SUGCT: variants seen among roughly 807,000 people sequenced by gnomAD.
The protein encoded by SUGCT is succinyl-CoA:glutarate-CoA transferase.
SUGCT carries 41 observed loss-of-function variants against 55.0 expected under a neutral mutation model. That is an observed-to-expected ratio of 0.74 (90% CI 0.58 to 0.97). The LOEUF is 0.97. Among genes scored for constraint, SUGCT ranks in the 50% least tolerant of loss-of-function variants. SUGCT has a pLI of 0.00. For synonymous variants in SUGCT, 187 were observed against 200.4 expected (o/e 0.93, Z 0.56); for missense variants, 568 against 547.8 (o/e 1.04, Z -0.37).
intron 5 of SUGCT, among the ~76,000 whole-genome samples, chr7:40,191,059 C>G (rs1044020112): frequency 7.9e-5 from 12 of 152,332 alleles, no homozygotes; most frequent in East Asian, 1.9e-4. Flanking sequence ...CCGTGTCACC[C>G]AGGCTGGAGT....
At chr7:40,189,398 C>CTTTTTTTTTTTTTTTTTTT (rs771275549) in intron 4 of SUGCT, 146 bp from the exon 5 acceptor site, 3 of 143,908 alleles carry the variant, frequency 2.1e-5, no homozygotes, top group African/African-American at 6.2e-5. Context: ...AATACACATA[C>CTTTTTTTTTTTTTTTTTTT]TTTTTTTTTT....
chr7:40,756,174 A>C (rs1788243940), intron 13 of SUGCT, among the ~76,000 whole-genome samples: 1 of 152,194 alleles, frequency 6.6e-6, no homozygotes, highest in Admixed American at 6.5e-5. Context: ...GGTTTGAGAC[A>C]GTATACCTTC....
chr7:40,604,710 GCTTT>G (rs1458777219), intron 12 of SUGCT, among the ~76,000 whole-genome samples: 1 of 152,110 alleles, frequency 6.6e-6, no homozygotes, highest in Non-Finnish European at 1.5e-5. Context: ...AGTTTAGGGT[GCTTT>G]CTGTCACTGT....
intron 9 of SUGCT, among the ~76,000 whole-genome samples, chr7:40,424,279 A>G (rs746525054): frequency 6.6e-6 from 1 of 152,200 alleles, no homozygotes; most frequent in Non-Finnish European, 1.5e-5. Flanking sequence ...AGATGGTGAC[A>G]AAAGTATTGG....
intron 12 of SUGCT, among the ~76,000 whole-genome samples, chr7:40,605,480 A>C (rs1001443430): frequency 6.6e-6 from 1 of 152,214 alleles, no homozygotes; most frequent in African/African-American, 2.4e-5. Context: ...TTCTAAAATC[A>C]AAGCCTTAAA....
At chr7:40,981,633 G>A in the SUGCT span, among the ~76,000 whole-genome samples, 1 of 152,116 alleles carries the variant, frequency 6.6e-6, no homozygotes, top group Non-Finnish European at 1.5e-5. Context: ...AAACAGTCAT[G>A]AGGAACCAAG....
chr7:40,839,067 T>C (rs927102384), intron 13 of SUGCT, among the ~76,000 whole-genome samples: 1 of 152,172 alleles, frequency 6.6e-6, no homozygotes, highest in African/African-American at 2.4e-5. Flanking sequence ...ATTGATTGAT[T>C]TTCAAATATT....
chr7:40,174,070 T>C (rs977511725), intron 1 of SUGCT, among the ~76,000 whole-genome samples: 1 of 151,976 alleles, frequency 6.6e-6, no homozygotes, highest in African/African-American at 2.4e-5. Flanking sequence ...TCCCCCAGGC[T>C]GGAGTGCAGT....
intron 13 of SUGCT, among the ~76,000 whole-genome samples, chr7:40,797,132 A>G (rs1353351005): frequency 6.6e-6 from 1 of 152,148 alleles, no homozygotes; most frequent in African/African-American, 2.4e-5. Flanking sequence ...ATAAATTTTT[A>G]TTTGTTCAAT....
chr7:41,026,935 G>A, the SUGCT span, among the ~76,000 whole-genome samples: 4 of 152,144 alleles, frequency 2.6e-5, no homozygotes, highest in Non-Finnish European at 4.4e-5. Flanking sequence ...AGGAGGCTGA[G>A]GCAGGAGAAT....
At chr7:40,387,780 A>G (rs931668622) in intron 9 of SUGCT, 5 of 152,182 alleles carry the variant, frequency 3.3e-5, no homozygotes, top group Non-Finnish European at 7.4e-5. Context: ...AGTGAGTGCT[A>G]TGTAAGGGAA....
chr7:41,036,616 C>T, the SUGCT span, among the ~76,000 whole-genome samples: 2 of 152,296 alleles, frequency 1.3e-5, no homozygotes, highest in South Asian at 4.1e-4. Flanking sequence ...CAGGACTCTA[C>T]TGGGATGGTG....
At chr7:40,358,344 G>A (rs2151215129) in intron 9 of SUGCT, among the ~76,000 whole-genome samples, 1 of 152,292 alleles carries the variant, frequency 6.6e-6, no homozygotes, top group East Asian at 1.9e-4. Flanking sequence ...TAAGATGTGA[G>A]AGGAGTATAG....
intron 2 of SUGCT, 147 bp downstream of exon 2, chr7:40,181,145 A>G (rs1785179917): frequency 1.5e-6 from 1 of 682,622 alleles, no homozygotes; most frequent in Non-Finnish European, 2.6e-6. Flanking sequence ...CTGTAATATC[A>G]TCATTCTATG....
At chr7:41,001,054 G>T in the SUGCT span, among the ~76,000 whole-genome samples, 2 of 152,290 alleles carry the variant, frequency 1.3e-5, no homozygotes, top group East Asian at 1.9e-4. Flanking sequence ...CAGACAAGTC[G>T]GGAGTGGTCT....
the SUGCT span, among the ~76,000 whole-genome samples, chr7:41,006,447 CT>C: frequency 6.6e-6 from 1 of 151,820 alleles, no homozygotes; most frequent in Non-Finnish European, 1.5e-5. Flanking sequence ...ATACCTTGCC[CT>C]TTTTTTTATA....
At chr7:40,734,702 T>C (rs1412955859) in intron 12 of SUGCT, among the ~76,000 whole-genome samples, 1 of 152,192 alleles carries the variant, frequency 6.6e-6, no homozygotes, top group Non-Finnish European at 1.5e-5. Context: ...CTCCTTACAC[T>C]TTTTTGTTAC....
chr7:41,036,889 TC>T, the SUGCT span, among the ~76,000 whole-genome samples: 2 of 152,138 alleles, frequency 1.3e-5, no homozygotes, highest in African/African-American at 4.8e-5. Flanking sequence ...CTCCTTACCT[TC>T]CCTCTTGACC....
intron 4 of SUGCT, 50 bp downstream of exon 4, chr7:40,188,630 A>G (rs1050708824): frequency 5.8e-6 from 7 of 1,198,568 alleles, no homozygotes; most frequent in Non-Finnish European, 1.2e-6. Context: ...CTCTTATAAT[A>G]GCAAAACTGT....
Sources: allele counts gnomAD v4.1 joint callset (sites outside exome capture counted in the v4.1 genomes callset), GRCh38; gene constraint gnomAD v4.1.1; transcripts MANE v1.5; gene names NCBI Gene and HGNC (gene_info 2026-07-23, HGNC 2026-07-21).